Variants in MARCHF1 observed in about 807,000 individuals in gnomAD.
MARCHF1 encodes E3 ubiquitin-protein ligase MARCHF1.
A neutral mutation model predicts 54.2 loss-of-function variants in MARCHF1; 40 were observed. That is an observed-to-expected ratio of 0.74 (90% CI 0.57 to 0.96). The LOEUF is 0.96. Ranked by LOEUF, MARCHF1 falls within the 40% of genes least tolerant of loss-of-function variation. The pLI, the probability that MARCHF1 is intolerant of heterozygous loss-of-function variation, is 0.00. For missense variants in MARCHF1, 586 were observed against 656.5 expected, an observed-to-expected ratio of 0.89 and a Z score of 1.17; for synonymous variants, 236 against 236.3, an observed-to-expected ratio of 1.00 and a Z score of 0.01.
chr4:163,731,462 C>A (rs1477484355), intron 4 of MARCHF1, among the ~76,000 whole-genome samples: 1 of 152,186 alleles, frequency 6.6e-6, no homozygotes, highest in Non-Finnish European at 1.5e-5. Flanking sequence ...ATTATCCCAT[C>A]TCGCTGCCTG....
At chr4:163,776,336 CTCTCTGTCTCTG>C (rs890344758) in intron 4 of MARCHF1, among the ~76,000 whole-genome samples, 1 of 151,428 alleles carries the variant, frequency 6.6e-6, no homozygotes, top group Non-Finnish European at 1.5e-5. Context: ...TTCTGTCTCT[CTCTCTGTCTCTG>C]TCTCTTTCTC....
intron 4 of MARCHF1, among the ~76,000 whole-genome samples, chr4:163,772,108 C>A (rs1174806249): frequency 6.6e-6 from 1 of 152,110 alleles, no homozygotes; most frequent in Non-Finnish European, 1.5e-5. Flanking sequence ...TCTGCATATT[C>A]ACAACATCTC....
At chr4:164,351,323 A>G (rs1339579387) in intron 1 of MARCHF1, among the ~76,000 whole-genome samples, 1 of 151,170 alleles carries the variant, frequency 6.6e-6, no homozygotes, top group Non-Finnish European at 1.5e-5. Context: ...ACAGTCAAAC[A>G]AAAAGACAGC....
At chr4:164,119,154 AAC>A (rs141460839) in intron 1 of MARCHF1, among the ~76,000 whole-genome samples, 1,972 of 151,808 alleles carry the variant, frequency 0.013, 56 homozygotes, top group African/African-American at 0.042. Flanking sequence ...GTATGAATGA[AAC>A]ACAGTATTCC....
At chr4:163,599,354 A>G (rs1740879580) in intron 7 of MARCHF1, among the ~76,000 whole-genome samples, 1 of 151,632 alleles carries the variant, frequency 6.6e-6, no homozygotes, top group Non-Finnish European at 1.5e-5. Context: ...AAGAACAAAG[A>G]CAAAAACATA....
chr4:164,171,222 C>G (rs1730517653), intron 1 of MARCHF1, among the ~76,000 whole-genome samples: 1 of 152,018 alleles, frequency 6.6e-6, no homozygotes, highest in South Asian at 2.1e-4. Context: ...TCCAATAATT[C>G]CTTTTCAGTG....
At chr4:163,654,460 A>T (rs1013521850) in intron 5 of MARCHF1, among the ~76,000 whole-genome samples, 3 of 151,656 alleles carry the variant, frequency 2.0e-5, no homozygotes, top group Admixed American at 2.0e-4. Context: ...TTAGGTATAC[A>T]ACAGGATAGA....
At chr4:163,551,764 A>G (rs925986494) in intron 8 of MARCHF1, among the ~76,000 whole-genome samples, 2 of 152,174 alleles carry the variant, frequency 1.3e-5, no homozygotes, top group Non-Finnish European at 2.9e-5. Flanking sequence ...GTGGTAGTGA[A>G]TAAGTCTCAC....
intron 1 of MARCHF1, among the ~76,000 whole-genome samples, chr4:164,345,121 T>A (rs1306463725): frequency 6.6e-6 from 1 of 152,182 alleles, no homozygotes; most frequent in African/African-American, 2.4e-5. Flanking sequence ...TTCAAATAGC[T>A]AGAAGGAGAA....
chr4:164,131,632 C>T (rs1756303213), intron 1 of MARCHF1, among the ~76,000 whole-genome samples: 1 of 151,996 alleles, frequency 6.6e-6, no homozygotes, highest in African/African-American at 2.4e-5. Context: ...GTGACTATCC[C>T]AGGATCTAAA....
chr4:163,546,222 C>T (rs1351142660), intron 8 of MARCHF1, among the ~76,000 whole-genome samples: 5 of 152,138 alleles, frequency 3.3e-5, no homozygotes, highest in Non-Finnish European at 5.9e-5. Flanking sequence ...GTAATCCACC[C>T]CCACCTTGTC....
intron 2 of MARCHF1, among the ~76,000 whole-genome samples, chr4:164,100,234 C>A (rs1755511132): frequency 6.7e-6 from 1 of 148,806 alleles, no homozygotes; most frequent in Non-Finnish European, 1.5e-5. Flanking sequence ...TGTACATTTG[C>A]ATAAATCTAT....
At chr4:163,827,141 G>A (rs1182454140) in intron 4 of MARCHF1, among the ~76,000 whole-genome samples, 1 of 151,700 alleles carries the variant, frequency 6.6e-6, no homozygotes, top group Non-Finnish European at 1.5e-5. Context: ...AGGTAGCAAT[G>A]TCTCCTTTTA....
chr4:164,176,997 TATATATATATATAC>T lies in MARCHF1; in HGVS notation c.-322-65349_-322-65336del, dbSNP rs1272640626. On this transcript the variant is annotated intron_variant, in intron 1 of 9. Transcript: ENST00000514618. ...CTCTCTCTCTATATATATATATATA[TATATATATATATAC>T]AAATGATAGAATTAGGCATGTTTCC... 4.5e-3 allele frequency among the ~76,000 whole-genome samples: 408 copies of T among 91,394 alleles called. 17 individuals are homozygous for T. The highest frequency in any genetic ancestry group is 0.017 in the African/African-American group (331 of 19,448). The allele number at this position is 91,394 out of a possible 152,430, so 60.0% of individuals were successfully genotyped here. A position where few individuals can be genotyped will look rare whatever the true frequency, so the allele number is the denominator to read the frequency against.
At chr4:163,925,618 G>T (rs1751520487) in intron 3 of MARCHF1, among the ~76,000 whole-genome samples, 1 of 151,656 alleles carries the variant, frequency 6.6e-6, no homozygotes, top group Non-Finnish European at 1.5e-5. Flanking sequence ...GAAACTTAAT[G>T]TAAACTAAGA....
intron 1 of MARCHF1, among the ~76,000 whole-genome samples, chr4:164,117,177 G>A (rs527428196): frequency 6.6e-6 from 1 of 152,158 alleles, no homozygotes; most frequent in East Asian, 1.9e-4. Context: ...AGAATCGCTT[G>A]AAGCTGGATG....
At chr4:164,199,887 C>T (rs1042752061) in intron 1 of MARCHF1, among the ~76,000 whole-genome samples, 2 of 152,138 alleles carry the variant, frequency 1.3e-5, no homozygotes, top group African/African-American at 4.8e-5. Context: ...TCAGTCTTTG[C>T]TCCCATGGCA....
intron 2 of MARCHF1, among the ~76,000 whole-genome samples, chr4:163,991,199 C>G (rs771158370): frequency 2.6e-5 from 4 of 152,042 alleles, no homozygotes; most frequent in African/African-American, 7.2e-5. Flanking sequence ...TCTTTTTAAG[C>G]AAATGTTTTA....
chr4:163,901,748 A>C (rs34652676), intron 3 of MARCHF1, among the ~76,000 whole-genome samples: 1 of 152,172 alleles, frequency 6.6e-6, no homozygotes, highest in Middle Eastern at 3.4e-3. Flanking sequence ...AGTTTTTGCA[A>C]AATTTATGGA....
Sources: gnomAD v4.1 joint callset for allele counts (sites outside exome capture counted in the v4.1 genomes callset) on GRCh38, gnomAD v4.1.1 for gene constraint, MANE v1.5 for transcripts, NCBI Gene and HGNC (gene_info 2026-07-23, HGNC 2026-07-21) for gene names.